The following GATA2 variants were observed in gnomAD, a reference collection of about 807,000 sequenced individuals.
GATA2 encodes the protein endothelial transcription factor GATA-2.
A neutral mutation model predicts 35.7 loss-of-function variants in GATA2; 6 were observed. The observed-to-expected ratio is 0.17, with a 90% CI of 0.09 to 0.33. The LOEUF (loss-of-function observed/expected upper bound fraction) is 0.33. Among genes scored for constraint, GATA2 ranks in the 10% least tolerant of loss-of-function variants. The pLI is 1.00. For synonymous variants in GATA2, 313 were observed against 274.9 expected, an observed-to-expected ratio of 1.14 and a Z score of -1.37; for missense variants, 541 against 656.6, an observed-to-expected ratio of 0.82 and a Z score of 1.92.
At chr3:128,486,739 C>T in intron 2 of GATA2, 64 bp downstream of exon 2, 1 of 1,455,730 alleles carries the variant, frequency 6.9e-7, no homozygotes. Context: ...CAGACGGGCC[C>T]TCCTCCCCTC....
At position 128,480,236 on chromosome 3, in the gene GATA2, C is replaced by T. The variant is rs760980134; in HGVS notation, c.*783G>A. 4 of 233,214 alleles carry T rather than the reference C, an allele frequency of 1.7e-5. No homozygotes were observed. Among genetic ancestry groups the T allele is most frequent in the Non-Finnish European group, 3.4e-5 (4 of 118,068 alleles). 14.4% of individuals were successfully genotyped at this position (233,214 alleles called of 1,614,324 possible). A position where few individuals can be genotyped will look rare whatever the true frequency, so the allele number is the denominator to read the frequency against. ...GGTTAGCAGAAAAAGGATGTATTTA[C>T]AGGGTCCACCTGACAAGACAGGCTG... On this transcript the variant is annotated 3_prime_UTR_variant, in exon 6 of 6. Coordinates refer to ENST00000341105, the MANE Select transcript of GATA2 (RefSeq NM_032638.5).
chr3:128,480,968 G>A lies in GATA2; in HGVS notation c.*51C>T. 1 of 1,487,330 alleles carries A rather than the reference G, an allele frequency of 6.7e-7. No homozygotes were observed. Among genetic ancestry groups the A allele is most frequent in the Non-Finnish European group, 9.0e-7 (1 of 1,114,952 alleles). 92.1% of individuals were successfully genotyped at this position (1,487,330 alleles called of 1,614,324 possible). Reference sequence around the variant, plus strand: ...TTCGGGAAATGCTGGGCTGCTAAGGGTTTGGTCCACCCATCCCGGGAGTGC... The same window carrying A: ...TTCGGGAAATGCTGGGCTGCTAAGGATTTGGTCCACCCATCCCGGGAGTGC... On this transcript the variant is annotated 3_prime_UTR_variant, in exon 6 of 6. Coordinates refer to ENST00000341105, the MANE Select transcript of GATA2 (RefSeq NM_032638.5).
chr3:128,485,376 A>G (rs2068681087), intron 3 of GATA2, among the ~76,000 whole-genome samples: 1 of 152,082 alleles, frequency 6.6e-6, no homozygotes, highest in African/African-American at 2.4e-5. Flanking sequence ...ATACAGAGTC[A>G]CTTCCCTCGC....
At chr3:128,492,004 C>T (rs1401825704) in intron 1 of GATA2, 2 of 152,296 alleles carry the variant, frequency 1.3e-5, no homozygotes, top group African/African-American at 4.8e-5. Flanking sequence ...CGGGCCCTAC[C>T]TGGTTCTCGA....
chr3:128,492,017 C>A (rs1409727541), intron 1 of GATA2: 1 of 152,256 alleles, frequency 6.6e-6, no homozygotes, highest in African/African-American at 2.4e-5. Context: ...GTTCTCGAAT[C>A]CTGCCTGCTC....
intron 4 of GATA2, 104 bp downstream of exon 4, chr3:128,483,756 T>C: frequency 6.8e-7 from 1 of 1,468,004 alleles, no homozygotes; most frequent in East Asian, 2.3e-5. Flanking sequence ...AAAAGAGGAT[T>C]TCAAGCGGCA....
At position 128,479,514 on chromosome 3, in the gene GATA2, T is replaced by G. The variant is rs1315182530; in HGVS notation, c.*1505A>C. The G allele has an allele frequency of 4.3e-6, 1 of 233,258 alleles. No individual in the cohort carries two copies. The highest frequency in any genetic ancestry group is 8.5e-6 in the Non-Finnish European group (1 of 117,862). 14.4% of individuals were successfully genotyped at this position (233,258 alleles called of 1,614,324 possible). A position where few individuals can be genotyped will look rare whatever the true frequency, so the allele number is the denominator to read the frequency against. On this transcript the variant is annotated 3_prime_UTR_variant, in exon 6 of 6. Transcript: ENST00000341105. ...ACATTTTTTACAGACAATATATAAATGTTGTACATAATTAACAATAACTTA... is the reference window on the plus strand; with the variant it reads ...ACATTTTTTACAGACAATATATAAAGGTTGTACATAATTAACAATAACTTA...
chr3:128,489,028 A>G (rs993241852), intron 1 of GATA2, among the ~76,000 whole-genome samples: 1 of 151,904 alleles, frequency 6.6e-6, no homozygotes, highest in Admixed American at 6.5e-5. Flanking sequence ...GTAGATGTCC[A>G]GAGGGCCCCC....
In GATA2 at chr3:128,480,158, ATT is replaced by A. The variant is rs545136633; in HGVS notation, c.*859_*860del. On this transcript the variant is annotated 3_prime_UTR_variant, in exon 6 of 6. Transcript: ENST00000341105. ...ACTCATCAGCGAGTTAAGCCTATGC[ATT>A]TTTTTAATATTTTTTCTTTTGTCTC... 2 of 233,120 alleles carry A rather than the reference ATT, an allele frequency of 8.6e-6. No homozygotes were observed. Among genetic ancestry groups the A allele is most frequent in the Non-Finnish European group, 1.7e-5 (2 of 118,046 alleles). The allele number at this position is 233,120 out of a possible 1,614,324, so 14.4% of individuals were successfully genotyped here.
chr3:128,486,836 C>T lies in GATA2; in HGVS notation c.196G>A (p.Ala66Thr), dbSNP rs2068707355. 1 of 1,610,968 alleles carries T rather than the reference C, an allele frequency of 6.2e-7. No individual in the cohort carries two copies. The highest frequency in any genetic ancestry group is 8.5e-7 in the Non-Finnish European group (1 of 1,179,086). ...GNPYYANPAH[A>T]RARVSYSPAH... The stretch of plus-strand genomic sequence containing the variant: ...GGGCTGTAGGAGACGCGCGCCCGCG[C>T]GTGAGCGGGGTTGGCATAGTAGGGG... Residue 66 changes from alanine to threonine, a missense_variant, in exon 2 of 6, where the codon GCG becomes ACG. By Grantham distance (58) the Ala-to-Thr change is moderately conservative (BLOSUM62 0). Coordinates refer to ENST00000341105, the MANE Select transcript of GATA2 (RefSeq NM_032638.5).
intron 3 of GATA2, 117 bp from the exon 4 acceptor site, chr3:128,484,122 G>T: frequency 3.1e-6 from 4 of 1,306,540 alleles, no homozygotes; most frequent in Non-Finnish European, 4.2e-6. Context: ...GCACACGGTT[G>T]GCCTGGGCCT....
intron 1 of GATA2, chr3:128,492,244 TA>T (rs1303480775): frequency 6.6e-6 from 1 of 152,242 alleles, no homozygotes; most frequent in African/African-American, 2.4e-5. Context: ...AGAATAATTT[TA>T]AATGCCCCGT....
chr3:128,483,894 T>C lies in GATA2; in HGVS notation c.983A>G (p.Gln328Arg). 1 of 1,614,216 alleles carries C rather than the reference T, an allele frequency of 6.2e-7. No homozygotes were observed. The change falls in exon 4 of 6, where the codon CAG becomes CGG. Residue 328 changes from glutamine (Q) to arginine (R), a missense_variant. Transcript: ENST00000341105. ...ACGLYHKMNG[Q>R]NRPLIKPKRR... ...CTTGGGCTTGATGAGTGGTCGGTTC[T>C]GCCCATTCATCTTGTGGTAGAGGCC...
Position 128,487,086 on chromosome 3 carries a change from G to A in GATA2, c.-45-10C>T, listed in dbSNP as rs2068713488. 6.9e-7 allele frequency: 1 copy of A among 1,441,668 alleles called. No individual in the cohort carries two copies. 89.3% of individuals were successfully genotyped at this position (1,441,668 alleles called of 1,614,324 possible). On this transcript the variant is annotated splice_polypyrimidine_tract_variant and intron_variant, in intron 1 of 5. Coordinates refer to ENST00000341105, the MANE Select transcript of GATA2 (RefSeq NM_032638.5). ...GCAGACGGCAACGGCCCTGCGCGAG[G>A]AAGGGGGAGTGAGGCGTGCCGCCAG...
Position 128,486,811 on chromosome 3 carries a change from G to A in GATA2, c.221C>T (p.Pro74Leu), listed in dbSNP as rs776819522. Reference sequence around the variant, plus strand: ...ACGGGCCCAGTGCTCACCGTGCGCGGGGCTGTAGGAGACGCGCGCCCGCGC... The same window carrying A: ...ACGGGCCCAGTGCTCACCGTGCGCGAGGCTGTAGGAGACGCGCGCCCGCGC... ...AHARARVSYS[P>L]AHARLTGGQM... Residue 74 changes from proline (P) to leucine (L), a missense_variant, in exon 2 of 6, where the codon CCC becomes CTC. Transcript: ENST00000341105. 1 of 1,604,914 alleles carries A rather than the reference G, an allele frequency of 6.2e-7. No homozygotes were observed. The highest frequency in any genetic ancestry group is 1.3e-5 in the African/African-American group (1 of 75,024).
At position 128,480,441 on chromosome 3, in the gene GATA2, C is replaced by G. The variant is rs1234796610; in HGVS notation, c.*578G>C. 4 of 236,708 alleles carry G rather than the reference C, an allele frequency of 1.7e-5. No homozygotes were observed. In the Admixed American group the frequency reaches 2.2e-4, roughly 13 times the overall value. 14.7% of individuals were successfully genotyped at this position (236,708 alleles called of 1,614,324 possible). ...CTCTGCCCTCCAGGGCCTGGCCCGT[C>G]AAAGCAGGCACCAGCTCACCCTCCC... On this transcript the variant is annotated 3_prime_UTR_variant, in exon 6 of 6. Transcript: ENST00000341105.
intron 3 of GATA2, among the ~76,000 whole-genome samples, chr3:128,485,496 G>A (rs975609210): frequency 2.6e-5 from 4 of 152,296 alleles, no homozygotes; most frequent in South Asian, 2.1e-4. Flanking sequence ...CCTGGGGCAA[G>A]GAACTGAACT....
In GATA2 at chr3:128,486,876, G is replaced by C. The variant is rs201821076; in HGVS notation, c.156C>G (p.Leu52=). The C allele has an allele frequency of 1.8e-5, 29 of 1,612,626 alleles. No homozygotes were observed. The Admixed American group carries it at 4.7e-4, about 26-fold the overall frequency. The change falls in exon 2 of 6, where the codon CTC becomes CTG. Residue 52 remains leucine, a synonymous_variant. Transcript: ENST00000341105. ...CATAGTAGGGGTTGCCCTGCGAGTC[G>C]AGGTGATTGAAGAAGACGTCCACCT... ...PDEVDVFFNH[L]DSQGNPYYAN...
rs2068661887 is a variant in GATA2 at position 128,483,940 on chromosome 3, G to A, written c.937C>T (p.His313Tyr). ...TPLWRRDGTGHYLCNACGLYH... is the reference protein window; with the variant it reads ...TPLWRRDGTGYYLCNACGLYH... ...AGGCCACAGGCATTGCACAGGTAGT[G>A]GCCGGTGCCGTCCCGCCGCCAGAGA... Residue 313 changes from histidine to tyrosine, a missense_variant, in exon 4 of 6, where the codon CAC becomes TAC. Coordinates refer to ENST00000341105, the MANE Select transcript of GATA2 (RefSeq NM_032638.5). The A allele has an allele frequency of 6.2e-7, 1 of 1,614,016 alleles. No individual in the cohort carries two copies. The highest frequency in any genetic ancestry group is 1.3e-5 in the African/African-American group (1 of 74,936).
Sources: allele counts gnomAD v4.1 joint callset (sites outside exome capture counted in the v4.1 genomes callset), GRCh38; gene constraint gnomAD v4.1.1; transcripts MANE v1.5; gene names NCBI Gene and HGNC (gene_info 2026-07-23, HGNC 2026-07-21).